Variants in ZNF565 observed in about 807,000 individuals in gnomAD.
The protein encoded by ZNF565 is zinc finger protein 565.
A neutral mutation model predicts 39.4 loss-of-function variants in ZNF565; 27 were observed. The ratio of observed to expected loss-of-function variants is 0.69; its 90% CI spans 0.51 to 0.95. ZNF565 has a LOEUF of 0.95. ZNF565 is among the 40% of genes least tolerant of loss of function. The probability of loss-of-function intolerance (pLI) is 0.00; values close to 1 mark genes in which losing one functional copy is unlikely to be tolerated. For synonymous variants in ZNF565, 185 were observed against 216.6 expected, an observed-to-expected ratio of 0.85 and a Z score of 1.28; for missense variants, 524 against 621.1, an observed-to-expected ratio of 0.84 and a Z score of 1.66.
At chr19:36,214,028 C>T (rs1046304740) in intron 1 of ZNF565, among the ~76,000 whole-genome samples, 1 of 152,028 alleles carries the variant, frequency 6.6e-6, no homozygotes, top group African/African-American at 2.4e-5. Flanking sequence ...CACGCCATCA[C>T]TGGTACTTTA....
intron 4 of ZNF565, 47 bp from the exon 5 acceptor site, chr19:36,183,780 G>T (rs1020659762): frequency 6.5e-7 from 1 of 1,531,490 alleles, no homozygotes; most frequent in Non-Finnish European, 8.8e-7. Flanking sequence ...CCTTCTCTAT[G>T]AGAAATAAAA....
At chr19:36,198,121 T>C (rs1028715260) in intron 2 of ZNF565, among the ~76,000 whole-genome samples, 3 of 150,922 alleles carry the variant, frequency 2.0e-5, no homozygotes, top group African/African-American at 7.3e-5. Flanking sequence ...AAGAATGAAA[T>C]TCCGTTTAAA....
At chr19:36,187,474 G>C (rs1346750279) in intron 4 of ZNF565, among the ~76,000 whole-genome samples, 1 of 151,548 alleles carries the variant, frequency 6.6e-6, no homozygotes, top group Non-Finnish European at 1.5e-5. Flanking sequence ...CCATTCTCCT[G>C]CCTCAGCTTC....
intron 4 of ZNF565, among the ~76,000 whole-genome samples, chr19:36,192,885 C>T (rs192489307): frequency 1.7e-4 from 26 of 151,742 alleles, no homozygotes; most frequent in Admixed American, 3.9e-4. Flanking sequence ...GGCATGATCT[C>T]GGTTTACTGC....
intron 1 of ZNF565, among the ~76,000 whole-genome samples, chr19:36,243,194 C>T (rs758108669): frequency 3.9e-5 from 6 of 152,030 alleles, no homozygotes; most frequent in East Asian, 1.9e-4. Flanking sequence ...CCACCACGCC[C>T]GGCTAATTTT....
At chr19:36,230,660 A>G (rs1222069990) in intron 1 of ZNF565, among the ~76,000 whole-genome samples, 1 of 152,176 alleles carries the variant, frequency 6.6e-6, no homozygotes, top group Non-Finnish European at 1.5e-5. Context: ...TGTTCAGAGA[A>G]TAGTGATCAG....
chr19:36,231,747 T>C (rs1568434768), intron 1 of ZNF565, among the ~76,000 whole-genome samples: 1 of 152,060 alleles, frequency 6.6e-6, no homozygotes, highest in East Asian at 1.9e-4. Context: ...GTCTTTGTAA[T>C]AGGATCAGTC....
intron 4 of ZNF565, among the ~76,000 whole-genome samples, chr19:36,193,150 C>T (rs923841358): frequency 5.9e-5 from 9 of 151,922 alleles, no homozygotes; most frequent in Non-Finnish European, 5.9e-5. Context: ...CGTCTGCCAC[C>T]GCACCCAGCT....
chr19:36,215,740 T>C (rs1229921852), upstream of ZNF565, among the ~76,000 whole-genome samples: 1 of 152,172 alleles, frequency 6.6e-6, no homozygotes, highest in Non-Finnish European at 1.5e-5. Context: ...AATCCCCATC[T>C]TTGGGGTACT....
At chr19:36,198,020 G>A (rs984848791) in intron 2 of ZNF565, among the ~76,000 whole-genome samples, 6 of 151,932 alleles carry the variant, frequency 3.9e-5, no homozygotes, top group African/African-American at 1.5e-4. Context: ...ATGGTAGCGT[G>A]CGCCTGTAAT....
At chr19:36,199,639 TG>T (rs1975884828) in intron 2 of ZNF565, among the ~76,000 whole-genome samples, 1 of 151,690 alleles carries the variant, frequency 6.6e-6, no homozygotes. Flanking sequence ...CCTGAGTAGC[TG>T]GGACTACAGG....
rs1404529757 is a variant in ZNF565 at position 36,235,202 on chromosome 19, C to T, written c.55+10274G>A. Among the ~76,000 whole-genome samples the T allele has an allele frequency of 5.0e-5, 7 of 138,910 alleles. No homozygotes were observed. In the East Asian group the frequency reaches 9.7e-4, roughly 19 times the overall value. 91.1% of individuals were successfully genotyped at this position (138,910 alleles called of 152,430 possible). A position where few individuals can be genotyped will look rare whatever the true frequency, so the allele number is the denominator to read the frequency against. ...CCAGCCTGGATAACGAGCGAAATTC[C>T]GTCTCAAAAAAAAAAAAAGAAGAAA... is the stretch of plus-strand genomic sequence containing the variant. On this transcript the variant is annotated intron_variant, in intron 1 of 4. Coordinates refer to the ZNF565 transcript ENST00000355114.
chr19:36,183,012 C>T lies in ZNF565; in HGVS notation c.954G>A (p.Gln318=). 6.2e-7 allele frequency: 1 copy of T among 1,614,078 alleles called. No individual in the cohort carries two copies. The highest frequency in any genetic ancestry group is 8.5e-7 in the Non-Finnish European group (1 of 1,180,012). Residue 318 remains glutamine, a synonymous_variant, in exon 5 of 5, where the codon CAG becomes CAA. Coordinates refer to ENST00000304116, the MANE Select transcript of ZNF565 (RefSeq NM_152477.5). ...GCTGGTGTACAGTCAGCTGTGAGTG[C>T]TGTCTAAAGGCTTTCCCGCATTCTT... ...ECKECGKAFR[Q]HSQLTVHQRI...
intron 1 of ZNF565, among the ~76,000 whole-genome samples, chr19:36,226,552 CTCTT>C (rs1371748919): frequency 1.3e-5 from 2 of 152,182 alleles, no homozygotes; most frequent in Non-Finnish European, 2.9e-5. Context: ...TTTTCCTTCT[CTCTT>C]TCTCCAAATG....
chr19:36,219,087 C>A (rs902708445), upstream of ZNF565, among the ~76,000 whole-genome samples: 1 of 152,078 alleles, frequency 6.6e-6, no homozygotes, highest in African/African-American at 2.4e-5. Context: ...GGATTACAGG[C>A]GTGAGCCACT....
chr19:36,240,909 A>G (rs1228102524), intron 1 of ZNF565, among the ~76,000 whole-genome samples: 1 of 151,298 alleles, frequency 6.6e-6, no homozygotes, highest in Non-Finnish European at 1.5e-5. Context: ...CTCCACTTTC[A>G]TGAGTAGGAT....
At chr19:36,194,084 G>A (rs1447606802) in intron 4 of ZNF565, 149 bp downstream of exon 4, 1 of 543,102 alleles carries the variant, frequency 1.8e-6, no homozygotes, top group Non-Finnish European at 3.2e-6. Context: ...GGAAGCTGAC[G>A]CTAATAAAGT....
intron 1 of ZNF565, among the ~76,000 whole-genome samples, chr19:36,227,314 G>A (rs183685282): frequency 1.4e-4 from 21 of 151,388 alleles, no homozygotes; most frequent in Admixed American, 7.9e-4. Flanking sequence ...GCTTGAACCC[G>A]GGAGGCAGAG....
intron 1 of ZNF565, among the ~76,000 whole-genome samples, chr19:36,229,399 G>A (rs921561359): frequency 2.6e-5 from 4 of 152,136 alleles, no homozygotes; most frequent in Admixed American, 2.0e-4. Context: ...GGGTCTATAT[G>A]TATGGCACAA....
Sources: allele counts gnomAD v4.1 joint callset (sites outside exome capture counted in the v4.1 genomes callset), GRCh38; gene constraint gnomAD v4.1.1; transcripts MANE v1.5; gene names NCBI Gene and HGNC (gene_info 2026-07-23, HGNC 2026-07-21).